Variants in AGBL1 observed in about 807,000 individuals in gnomAD.
AGBL1 encodes the protein AGBL carboxypeptidase 1, also known as cytosolic carboxypeptidase 4.
In AGBL1, 130 loss-of-function variants were observed where a neutral mutation model predicts 118.9. The ratio of observed to expected loss-of-function variants is 1.09; its 90% CI spans 0.95 to 1.26. AGBL1 has a LOEUF of 1.26. AGBL1 is among the 50% of genes most tolerant of loss of function. The pLI, the probability that AGBL1 is intolerant of heterozygous loss-of-function variation, is 0.00. For missense variants in AGBL1, 1,584 were observed against 1,298.1 expected, an observed-to-expected ratio of 1.22 and a Z score of -3.38; for synonymous variants, 555 against 478.9, an observed-to-expected ratio of 1.16 and a Z score of -2.08.
At chr15:86,165,566 G>C (rs1178541513) in intron 5 of AGBL1, among the ~76,000 whole-genome samples, 5 of 152,144 alleles carry the variant, frequency 3.3e-5, no homozygotes, top group African/African-American at 1.2e-4. Context: ...GGAGATCCAA[G>C]TTAGAAGAAA....
At chr15:86,559,906 T>C (rs1292425620) in intron 21 of AGBL1, among the ~76,000 whole-genome samples, 1 of 152,134 alleles carries the variant, frequency 6.6e-6, no homozygotes, top group Non-Finnish European at 1.5e-5. Context: ...TGCACTTGGC[T>C]GTAATTAAGC....
chr15:86,793,829 G>A (rs1479249614), intron 22 of AGBL1, among the ~76,000 whole-genome samples: 1 of 152,124 alleles, frequency 6.6e-6, no homozygotes, highest in African/African-American at 2.4e-5. Context: ...TGCACACATG[G>A]TCAACAAGTA....
At position 86,911,902 on chromosome 15, in the gene AGBL1, T is replaced by C. The variant is rs1186985499; in HGVS notation, c.*4608T>C. 1 of 152,186 alleles carries C rather than the reference T, an allele frequency of 6.6e-6. No homozygotes were observed. The highest frequency in any genetic ancestry group is 1.9e-4 in the East Asian group (1 of 5,186). The allele number at this position is 152,186 out of a possible 1,614,324, so 9.4% of individuals were successfully genotyped here. Reference sequence around the variant, plus strand: ...ATGCTTATTTTTAACTTGATAAATATGTCTTTTATACCCACACCCCCATTC... The same window carrying C: ...ATGCTTATTTTTAACTTGATAAATACGTCTTTTATACCCACACCCCCATTC... On this transcript the variant is annotated 3_prime_UTR_variant, in exon 23 of 23. Coordinates refer to ENST00000614907, the MANE Select transcript of AGBL1 (RefSeq NM_001386094.1).
intron 15 of AGBL1, 83 bp downstream of exon 15, chr15:86,271,789 A>G: frequency 7.7e-7 from 1 of 1,299,364 alleles, no homozygotes; most frequent in Non-Finnish European, 1.1e-6. Context: ...GATCTTATAA[A>G]CATCAGCAAT....
chr15:86,880,632 T>C (rs541196389), intron 22 of AGBL1, among the ~76,000 whole-genome samples: 8 of 152,170 alleles, frequency 5.3e-5, no homozygotes, highest in African/African-American at 1.9e-4. Context: ...AGATGTGAAT[T>C]GTGTGCATGT....
chr15:86,270,539 G>A (rs774803823), intron 14 of AGBL1, among the ~76,000 whole-genome samples: 9 of 152,126 alleles, frequency 5.9e-5, no homozygotes, highest in Middle Eastern at 3.2e-3. Context: ...AAAGGCTGAC[G>A]AGCAGGCTGT....
At chr15:86,303,641 G>A (rs1051043675) in intron 17 of AGBL1, among the ~76,000 whole-genome samples, 2 of 152,060 alleles carry the variant, frequency 1.3e-5, no homozygotes, top group Non-Finnish European at 2.9e-5. Flanking sequence ...ATTTTAGAGA[G>A]AAATAAAACA....
At chr15:86,454,345 C>T (rs1014147154) in intron 18 of AGBL1, among the ~76,000 whole-genome samples, 11 of 152,174 alleles carry the variant, frequency 7.2e-5, no homozygotes, top group Admixed American at 3.9e-4. Flanking sequence ...CATATACAGC[C>T]ACTTTGGAAA....
intron 22 of AGBL1, among the ~76,000 whole-genome samples, chr15:86,803,944 T>C (rs1008258864): frequency 5.3e-5 from 8 of 152,030 alleles, no homozygotes; most frequent in South Asian, 2.1e-4. Context: ...GTATCAGTAG[T>C]GGTGTAGCTA....
chr15:86,362,449 A>G (rs1388234489), intron 17 of AGBL1, among the ~76,000 whole-genome samples: 1 of 152,162 alleles, frequency 6.6e-6, no homozygotes, highest in Non-Finnish European at 1.5e-5. Flanking sequence ...TTTCAACTCA[A>G]AGGACTCACT....
In AGBL1 at chr15:86,238,124, T is replaced by C. The variant is rs73447681; in HGVS notation, c.527-9547T>C. 5.9e-3 allele frequency among the ~76,000 whole-genome samples: 905 copies of C among 152,308 alleles called. 10 individuals are homozygous for C. The highest frequency in any genetic ancestry group is 0.021 in the African/African-American group (867 of 41,562). ...AAGCAGCCACCCTACCTCATCACTC[T>C]AGTGCCACTGTTTTGTTTTCTCTGT... On this transcript the variant is annotated intron_variant, in intron 6 of 22. Transcript: ENST00000614907.
At chr15:86,160,129 C>CT (rs2077247335) in intron 5 of AGBL1, among the ~76,000 whole-genome samples, 1 of 132,900 alleles carries the variant, frequency 7.5e-6, no homozygotes, top group South Asian at 2.5e-4. Flanking sequence ...TTGAGATCAC[C>CT]TTTTTTAGGG....
At chr15:86,289,281 C>T (rs2079506796) in intron 16 of AGBL1, among the ~76,000 whole-genome samples, 2 of 152,138 alleles carry the variant, frequency 1.3e-5, no homozygotes, top group African/African-American at 4.8e-5. Context: ...CCATGCCTCA[C>T]CGCTGTTGTC....
intron 1 of AGBL1, among the ~76,000 whole-genome samples, chr15:86,095,684 G>A (rs1896333310): frequency 1.0e-5 from 1 of 98,964 alleles, no homozygotes; most frequent in East Asian, 3.2e-4. Flanking sequence ...TTACCTTACA[G>A]CAATTCCCAG....
At position 86,372,339 on chromosome 15, in the gene AGBL1, A is replaced by ACT. The variant is rs146088552; in HGVS notation, c.2375-25025_2375-25024dup. ...CTCCTTCCCTCCTCCCATTCATCCT[A>ACT]CTCATCATTTCCCCCCTTGGTGTCT... On this transcript the variant is annotated intron_variant, in intron 17 of 22. Transcript: ENST00000614907. Among the ~76,000 whole-genome samples, 196 of 151,926 alleles carry ACT rather than the reference A, an allele frequency of 1.3e-3. 2 individuals are homozygous for ACT. The highest frequency in any genetic ancestry group is 2.1e-3 in the Non-Finnish European group (143 of 67,934).
chr15:86,231,076 C>T (rs1451204419), intron 6 of AGBL1, among the ~76,000 whole-genome samples: 1 of 152,188 alleles, frequency 6.6e-6, no homozygotes, highest in Non-Finnish European at 1.5e-5. Context: ...GCACAAATAA[C>T]ACTGTTCATA....
chr15:86,124,184 G>A (rs369534590), intron 1 of AGBL1, among the ~76,000 whole-genome samples: 16 of 152,092 alleles, frequency 1.1e-4, no homozygotes, highest in African/African-American at 3.9e-4. Flanking sequence ...ACAAAATGTA[G>A]CGGGGCATGG....
chr15:86,144,990 T>C (rs2077013656), intron 3 of AGBL1, among the ~76,000 whole-genome samples: 1 of 152,102 alleles, frequency 6.6e-6, no homozygotes, highest in African/African-American at 2.4e-5. Flanking sequence ...GAGAATCGGT[T>C]CCATGCCCCT....
chr15:86,298,661 T>A (rs774589057), intron 17 of AGBL1, among the ~76,000 whole-genome samples: 23 of 152,226 alleles, frequency 1.5e-4, no homozygotes, highest in Non-Finnish European at 2.6e-4. Context: ...GGGACTAGGG[T>A]AGCTTCAGTG....
Sources: gnomAD v4.1 joint callset for allele counts (sites outside exome capture counted in the v4.1 genomes callset) on GRCh38, gnomAD v4.1.1 for gene constraint, MANE v1.5 for transcripts, NCBI Gene and HGNC (gene_info 2026-07-23, HGNC 2026-07-21) for gene names.